GJD4: variants seen among roughly 807,000 people sequenced by gnomAD.
GJD4 encodes gap junction protein delta 4.
In GJD4, 18 loss-of-function variants were observed where a neutral mutation model predicts 17.9. The ratio of observed to expected loss-of-function variants is 1.00; its 90% confidence interval spans 0.69 to 1.49. GJD4 has a LOEUF of 1.49. Among genes scored for constraint, GJD4 ranks in the 40% most tolerant of loss-of-function variants. The pLI, the probability that GJD4 is intolerant of heterozygous loss-of-function variation, is 0.00. For synonymous variants in GJD4, 293 were observed against 236.8 expected (o/e 1.24, Z -2.18); for missense variants, 639 against 506.9 (o/e 1.26, Z -2.50).
In GJD4 at chr10:35,605,464, C is replaced by A; in HGVS notation, c.-104C>A. On this transcript the variant is annotated 5_prime_UTR_variant, in exon 1 of 2. An upstream open reading frame in the 5' UTR gains an earlier in-frame stop. Transcript: ENST00000321660. ...GACCTTTGCTTTCTTATCTCCAGCT[C>A]ACACCTTTAAGTCTTATGTAGTTAA... 1.1e-6 allele frequency: 1 copy of A among 910,844 alleles called. No homozygotes were observed. 56.4% of individuals were successfully genotyped at this position (910,844 alleles called of 1,614,324 possible).
chr10:35,608,529 C>T lies in GJD4; in HGVS notation c.1016C>T (p.Ala339Val). The stretch of plus-strand genomic sequence containing the variant: ...CCCTCAGCAGCCCCCAGCCGCCTGG[C>T]CGCGCCCCCTTCCTGCAGCAGCCTG... ...EQPSAAPSRL[A>V]APPSCSSLQP... The change falls in exon 2 of 2, where the codon GCC becomes GTC. Residue 339 changes from alanine (A) to valine (V), a missense_variant. By Grantham distance (64) the Ala-to-Val change is moderately conservative. Transcript: ENST00000321660. 6.4e-7 allele frequency: 1 copy of T among 1,554,310 alleles called. No individual in the cohort carries two copies. The highest frequency in any genetic ancestry group is 8.7e-7 in the Non-Finnish European group (1 of 1,150,158).
In GJD4 at chr10:35,608,202, C is replaced by G; in HGVS notation, c.689C>G (p.Pro230Arg). 1.3e-6 allele frequency: 2 copies of G among 1,589,392 alleles called. No individual in the cohort carries two copies. The highest frequency in any genetic ancestry group is 1.3e-5 in the African/African-American group (1 of 74,598). ...CGGCGGATGCGCAGGAGGCCGGGAC[C>G]CCCCACAAGCCCCTCCATCCGGAAG... ...LRRRMRRRPG[P>R]PTSPSIRKQS... Residue 230 changes from proline to arginine, a missense_variant, in exon 2 of 2, where the codon CCC becomes CGC. Physicochemically the swap from Pro to Arg is moderately radical, Grantham distance 103. Transcript: ENST00000321660.
At chr10:35,605,795 G>C in intron 1 of GJD4, 164 bp downstream of exon 1, 1 of 621,252 alleles carries the variant, frequency 1.6e-6, no homozygotes, top group Non-Finnish European at 2.9e-6. Flanking sequence ...TTTCTGGAGG[G>C]AAGAGAGCTG....
Position 35,608,515 on chromosome 10 carries a change from C to A in GJD4, c.1002C>A (p.Ala334=). ...GATCCGAGGAGCAGCCCTCAGCAGC[C>A]CCCAGCCGCCTGGCCGCGCCCCCTT... ...GSGSEEQPSA[A]PSRLAAPPSC... is the part of the protein sequence containing the mutation. Residue 334 remains alanine, a synonymous_variant, in exon 2 of 2, where the codon GCC becomes GCA. Transcript: ENST00000321660. The A allele has an allele frequency of 6.4e-7, 1 of 1,551,626 alleles. No homozygotes were observed. The highest frequency in any genetic ancestry group is 8.7e-7 in the Non-Finnish European group (1 of 1,148,506).
rs776271764 is a variant in GJD4 at position 35,608,017 on chromosome 10, G to A, written c.504G>A (p.Leu168=). The A allele has an allele frequency of 1.5e-5, 24 of 1,611,576 alleles. No individual in the cohort carries two copies. The highest frequency in any genetic ancestry group is 2.0e-5 in the Non-Finnish European group (24 of 1,179,374). The change falls in exon 2 of 2, where the codon CTG becomes CTA. Residue 168 remains leucine, a synonymous_variant. Transcript: ENST00000321660. ...TGCACTACTTTCTCTTTGGATTCCT[G>A]GCCCCGAAGAAGTTCCCTTGCACGC... is the stretch of plus-strand genomic sequence containing the variant. ...GALHYFLFGF[L]APKKFPCTRP...
In GJD4 at chr10:35,608,676, A is replaced by C; in HGVS notation, c.*50A>C. ...CGGGGCTCACGCCTGTAATCCCAAC[A>C]CTTTGGGAGGCCCAGGCAGGAGGAT... On this transcript the variant is annotated 3_prime_UTR_variant, in exon 2 of 2. Transcript: ENST00000321660. The C allele has an allele frequency of 1.5e-6, 2 of 1,316,218 alleles. No homozygotes were observed. Among genetic ancestry groups the C allele is most frequent in the Non-Finnish European group, 2.0e-6 (2 of 982,018 alleles). 81.5% of individuals were successfully genotyped at this position (1,316,218 alleles called of 1,614,324 possible).
rs755990278 is a variant in GJD4, at chr10:35,608,533, G to T, written c.1020G>T (p.Ala340=). 1.8e-5 allele frequency: 28 copies of T among 1,555,656 alleles called. No individual in the cohort carries two copies. The highest frequency in any genetic ancestry group is 7.2e-5 in the East Asian group (3 of 41,798). ...CAGCAGCCCCCAGCCGCCTGGCCGC[G>T]CCCCCTTCCTGCAGCAGCCTGCAGC... ...QPSAAPSRLA[A]PPSCSSLQPP... The change falls in exon 2 of 2, where the codon GCG becomes GCT. Residue 340 remains alanine, a synonymous_variant. Coordinates refer to ENST00000321660, the MANE Select transcript of GJD4 (RefSeq NM_153368.3).
At position 35,608,200 on chromosome 10, in the gene GJD4, A is replaced by AC. The variant is rs766949119; in HGVS notation, c.693dup (p.Thr232HisfsTer21). ...GGCGGCGGATGCGCAGGAGGCCGGG[A>AC]CCCCCCACAAGCCCCTCCATCCGGA... On this transcript the variant is annotated frameshift_variant, in exon 2 of 2. Coordinates refer to ENST00000321660, the MANE Select transcript of GJD4 (RefSeq NM_153368.3). LOFTEE classifies it high-confidence loss of function. 4 of 1,581,648 alleles carry AC rather than the reference A, an allele frequency of 2.5e-6. No homozygotes were observed. Among genetic ancestry groups the AC allele is most frequent in the African/African-American group, 1.4e-5 (1 of 73,648 alleles).
At position 35,608,820 on chromosome 10, in the gene GJD4, C is replaced by A. The variant is rs138057600; in HGVS notation, c.*194C>A. On this transcript the variant is annotated 3_prime_UTR_variant, in exon 2 of 2. Transcript: ENST00000321660. The stretch of plus-strand genomic sequence containing the variant: ...GGGCACAGTGGCTCCCTCCTGTAGT[C>A]CCAGCTACTTGGGAGGCTGAGATGG... 1.7e-4 allele frequency: 84 copies of A among 481,690 alleles called. No homozygotes were observed. The East Asian group carries it at 2.3e-3, about 13-fold the overall frequency. 29.8% of individuals were successfully genotyped at this position (481,690 alleles called of 1,614,324 possible). A position where few individuals can be genotyped will look rare whatever the true frequency, so the allele number is the denominator to read the frequency against.
Position 35,607,964 on chromosome 10 carries a change from A to G in GJD4, c.451A>G (p.Thr151Ala). 6.2e-7 allele frequency: 1 copy of G among 1,611,190 alleles called. No homozygotes were observed. The highest frequency in any genetic ancestry group is 8.5e-7 in the Non-Finnish European group (1 of 1,179,468). ...AGYIIHLLLRTLLEAAFGALH... is the reference protein window; with the variant it reads ...AGYIIHLLLRALLEAAFGALH... ...CTACATCATCCACCTCCTCCTCCGG[A>G]CCCTGCTGGAGGCAGCCTTCGGGGC... is the stretch of plus-strand genomic sequence containing the variant. The change falls in exon 2 of 2, where the codon ACC becomes GCC. Residue 151 changes from threonine (T) to alanine (A), a missense_variant. Coordinates refer to ENST00000321660, the MANE Select transcript of GJD4 (RefSeq NM_153368.3).
At position 35,608,765 on chromosome 10, in the gene GJD4, T is replaced by G. The variant is rs538392677; in HGVS notation, c.*139T>G. The G allele has an allele frequency of 2.0e-4, 119 of 596,158 alleles. No homozygotes were observed. The highest frequency in any genetic ancestry group is 2.9e-4 in the Non-Finnish European group (102 of 353,024). The allele number at this position is 596,158 out of a possible 1,614,324, so 36.9% of individuals were successfully genotyped here. A position where few individuals can be genotyped will look rare whatever the true frequency, so the allele number is the denominator to read the frequency against. On this transcript the variant is annotated 3_prime_UTR_variant, in exon 2 of 2. Transcript: ENST00000321660. ...CAGCCTGGACAACATAATGAGACCC[T>G]CGTCTCTACAAAATATCTAAAAATT...
At position 35,608,042 on chromosome 10, in the gene GJD4, C is replaced by T. The variant is rs201912261; in HGVS notation, c.529C>T (p.Arg177Cys). ...GGCCCCGAAGAAGTTCCCTTGCACGCGCCCTCCGTGCACGGGCGTGGTGGA... is the reference window on the plus strand; with the variant it reads ...GGCCCCGAAGAAGTTCCCTTGCACGTGCCCTCCGTGCACGGGCGTGGTGGA... ...FLAPKKFPCT[R>C]PPCTGVVDCY... The change falls in exon 2 of 2, where the codon CGC becomes TGC. Residue 177 changes from arginine to cysteine, a missense_variant. Arg to Cys is a radical substitution (Grantham distance 180). Coordinates refer to ENST00000321660, the MANE Select transcript of GJD4 (RefSeq NM_153368.3). 7.6e-5 allele frequency: 122 copies of T among 1,610,104 alleles called. No individual in the cohort carries two copies. The highest frequency in any genetic ancestry group is 9.5e-5 in the Non-Finnish European group (112 of 1,178,700).
intron 1 of GJD4, 187 bp downstream of exon 1, chr10:35,605,818 T>G (rs2135487201): frequency 1.7e-6 from 1 of 601,506 alleles, no homozygotes; most frequent in East Asian, 2.8e-5. Context: ...GCTTCTAGTT[T>G]CTTTGAATGG....
At chr10:35,605,895 T>C (rs1361266516) in intron 1 of GJD4, 1 of 493,010 alleles carries the variant, frequency 2.0e-6, no homozygotes, top group Admixed American at 3.6e-5. Flanking sequence ...GATCATCCTG[T>C]GCTGACACTG....
Position 35,607,742 on chromosome 10 carries a change from T to G in GJD4, c.229T>G (p.Phe77Val). ...DVFSPVSHLR[F>V]WLIQGVCVLL... ...CTTCTCCCCCGTGTCTCACCTGCGG[T>G]TCTGGCTGATCCAGGGCGTGTGCGT... is the stretch of plus-strand genomic sequence containing the variant. The change falls in exon 2 of 2, where the codon TTC becomes GTC. Residue 77 changes from phenylalanine (F) to valine (V), a missense_variant. Transcript: ENST00000321660. 6.2e-7 allele frequency: 1 copy of G among 1,613,348 alleles called. No homozygotes were observed. Among genetic ancestry groups the G allele is most frequent in the Non-Finnish European group, 8.5e-7 (1 of 1,180,006 alleles).
chr10:35,607,711 C>T lies in GJD4; in HGVS notation c.198C>T (p.Tyr66=), dbSNP rs375125171. Residue 66 remains tyrosine (Y), a synonymous_variant, in exon 2 of 2, where the codon TAC becomes TAT. Transcript: ENST00000321660. ...TLQPGCANVC[Y]DVFSPVSHLR... ...AGCCGGGATGCGCCAATGTTTGCTA[C>T]GACGTCTTCTCCCCCGTGTCTCACC... The T allele has an allele frequency of 3.1e-6, 5 of 1,614,022 alleles. No homozygotes were observed. Among genetic ancestry groups the T allele is most frequent in the Non-Finnish European group, 4.2e-6 (5 of 1,180,034 alleles).
chr10:35,606,304 C>G (rs1248072693), intron 1 of GJD4: 1 of 152,258 alleles, frequency 6.6e-6, no homozygotes, highest in South Asian at 2.1e-4. Flanking sequence ...CTTGGCTTCC[C>G]AAAGTGCTGG....
At position 35,608,158 on chromosome 10, in the gene GJD4, C is replaced by G; in HGVS notation, c.645C>G (p.Asp215Glu). The G allele has an allele frequency of 6.2e-7, 1 of 1,605,630 alleles. No homozygotes were observed. The highest frequency in any genetic ancestry group is 8.5e-7 in the Non-Finnish European group (1 of 1,178,040). Residue 215 changes from aspartate (D) to glutamate (E), a missense_variant, in exon 2 of 2, where the codon GAC becomes GAG. Transcript: ENST00000321660. ...TGTCTTTTCTGCTGGGCCTCGCCGACCTGGTCTGCAGCCTGCGGCGGCGGA... is the reference window on the plus strand; with the variant it reads ...TGTCTTTTCTGCTGGGCCTCGCCGAGCTGGTCTGCAGCCTGCGGCGGCGGA... ...SALSFLLGLADLVCSLRRRMR... is the reference protein window; with the variant it reads ...SALSFLLGLAELVCSLRRRMR...
chr10:35,605,489 A>G lies in GJD4; in HGVS notation c.-79A>G. The G allele has an allele frequency of 9.0e-7, 1 of 1,105,070 alleles. No individual in the cohort carries two copies. Among genetic ancestry groups the G allele is most frequent in the Non-Finnish European group, 1.4e-6 (1 of 716,574 alleles). The allele number at this position is 1,105,070 out of a possible 1,614,324, so 68.5% of individuals were successfully genotyped here. A position where few individuals can be genotyped will look rare whatever the true frequency, so the allele number is the denominator to read the frequency against. On this transcript the variant is annotated 5_prime_UTR_variant, in exon 1 of 2. Coordinates refer to ENST00000321660, the MANE Select transcript of GJD4 (RefSeq NM_153368.3). ...CACACCTTTAAGTCTTATGTAGTTA[A>G]AGGACATTTATCCGCCTCCTTGGAG...
Sources: allele counts gnomAD v4.1 joint callset, GRCh38; gene constraint gnomAD v4.1.1; transcripts MANE v1.5; gene names NCBI Gene and HGNC (gene_info 2026-07-23, HGNC 2026-07-21).